The following CCNE1 variants were observed in gnomAD, a reference collection of about 807,000 sequenced individuals.
The protein encoded by CCNE1 is cyclin E1, also known as G1/S-specific cyclin-E1.
In CCNE1, 8 loss-of-function variants were observed where a neutral mutation model predicts 54.1. The ratio of observed to expected loss-of-function variants is 0.15; its 90% CI spans 0.09 to 0.27. CCNE1 has a LOEUF of 0.27. CCNE1 is among the 10% of genes least tolerant of loss of function. CCNE1 has a pLI of 1.00. For missense variants in CCNE1, 430 were observed against 514.9 expected, an observed-to-expected ratio of 0.84 and a Z score of 1.60; for synonymous variants, 179 against 185.2, an observed-to-expected ratio of 0.97 and a Z score of 0.27.
At chr19:29,813,301 T>C in intron 4 of CCNE1, 1 of 504,920 alleles carries the variant, frequency 2.0e-6, no homozygotes, top group East Asian at 3.4e-5. Flanking sequence ...AGAATGGACA[T>C]CACAGTATTC....
Position 29,822,115 on chromosome 19 carries a change from T to C in CCNE1, c.825T>C (p.Phe275=), listed in dbSNP as rs765901803. The change falls in exon 9 of 12, where the codon TTT becomes TTC. Residue 275 remains phenylalanine, a synonymous_variant. Transcript: ENST00000262643. ...VLLPQYPQQI[F]IQIAELLDLC... is the part of the protein sequence containing the mutation. The stretch of plus-strand genomic sequence containing the variant: ...TGCCGCAGTATCCCCAGCAAATCTT[T>C]ATACAGATTGCAGAGGTAAGTGGCT... 22 of 1,613,802 alleles carry C rather than the reference T, an allele frequency of 1.4e-5. No individual in the cohort carries two copies. The Admixed American group carries it at 3.7e-4, about 27-fold the overall frequency.
chr19:29,813,079 C>T (rs1363510575), intron 4 of CCNE1, 42 bp downstream of exon 4: 2 of 1,565,558 alleles, frequency 1.3e-6, no homozygotes, highest in Admixed American at 3.3e-5. Context: ...GGTCCTTCTC[C>T]CCCTGGGTCA....
In CCNE1 at chr19:29,813,044, C is replaced by G; in HGVS notation, c.180+7C>G. ...GGACCAGTGTGGGAGCCAGGTAGGT[C>G]CGCCCGGGGTTGGGCCTCTGTGGAG... On this transcript the variant is annotated splice_region_variant and intron_variant, in intron 4 of 11. Transcript: ENST00000262643. 3 of 1,613,976 alleles carry G rather than the reference C, an allele frequency of 1.9e-6. 1 individual carries two copies. The South Asian group carries it at 3.3e-5, about 18-fold the overall frequency.
In CCNE1 at chr19:29,823,809, C is replaced by G; in HGVS notation, c.*32C>G. The G allele has an allele frequency of 1.3e-6, 2 of 1,581,050 alleles. No homozygotes were observed. Among genetic ancestry groups the G allele is most frequent in the Non-Finnish European group, 1.7e-6 (2 of 1,161,830 alleles). ...CATCCTTCTCCACCAAAGACAGTTG[C>G]GCGCCTGCTCCACGTTCTCTTCTGT... On this transcript the variant is annotated 3_prime_UTR_variant, in exon 12 of 12. Transcript: ENST00000262643.
In CCNE1 at chr19:29,812,695, G is replaced by A; in HGVS notation, c.30G>A (p.Ala10=). ...GTGCCACCCGGGTCCACAGGGATGCGAAGGAGCGGGACACCATGAAGGAGG... is the reference window on the plus strand; with the variant it reads ...GTGCCACCCGGGTCCACAGGGATGCAAAGGAGCGGGACACCATGAAGGAGG... MPRERRERD[A]KERDTMKEDG... is the part of the protein sequence containing the mutation. The change falls in exon 3 of 12, where the codon GCG becomes GCA. Residue 10 remains alanine, a synonymous_variant. Coordinates refer to ENST00000262643, the MANE Select transcript of CCNE1 (RefSeq NM_001238.4). The A allele has an allele frequency of 6.3e-7, 1 of 1,587,902 alleles. No individual in the cohort carries two copies. Among genetic ancestry groups the A allele is most frequent in the Non-Finnish European group, 8.6e-7 (1 of 1,169,358 alleles).
At chr19:29,816,086 G>A (rs192904372) in intron 4 of CCNE1, among the ~76,000 whole-genome samples, 1 of 150,670 alleles carries the variant, frequency 6.6e-6, no homozygotes, top group African/African-American at 2.4e-5. Context: ...ACCCCAGGAG[G>A]CAGAGGTTGT....
chr19:29,812,963 T>A lies in CCNE1; in HGVS notation c.112-6T>A. On this transcript the variant is annotated splice_region_variant and splice_polypyrimidine_tract_variant and intron_variant, in intron 3 of 11. Coordinates refer to ENST00000262643, the MANE Select transcript of CCNE1 (RefSeq NM_001238.4). ...CCTTGGGGTCATGGGGGTGGCTTCA[T>A]GTTAGTTTTTGCAGGATCCAGATGA... 1.2e-6 allele frequency: 2 copies of A among 1,614,118 alleles called. No homozygotes were observed. Among genetic ancestry groups the A allele is most frequent in the South Asian group, 2.2e-5 (2 of 91,080 alleles).
chr19:29,822,935 C>G (rs1470785745), intron 11 of CCNE1, among the ~76,000 whole-genome samples: 1 of 136,404 alleles, frequency 7.3e-6, no homozygotes, highest in Non-Finnish European at 1.5e-5. Context: ...CAGAGCGAAA[C>G]TATGTCTCAA....
Position 29,815,873 on chromosome 19 carries a change from T to G in CCNE1, c.181-1264T>G, listed in dbSNP as rs79219456. On this transcript the variant is annotated intron_variant, in intron 4 of 11. Coordinates refer to ENST00000262643, the MANE Select transcript of CCNE1 (RefSeq NM_001238.4). ...TCTCTGCTTTAAAAAAAAAAAAAAA[T>G]GCCAGGTGCGGTGGCTCAGGCTTGT... Among the ~76,000 whole-genome samples, 4 of 146,746 alleles carry G rather than the reference T, an allele frequency of 2.7e-5. No individual in the cohort carries two copies. In the South Asian group the frequency reaches 6.5e-4, roughly 24 times the overall value.
intron 2 of CCNE1, 36 bp from the exon 3 acceptor site, chr19:29,812,653 G>A (rs745558138): frequency 1.7e-5 from 26 of 1,563,730 alleles, no homozygotes; most frequent in South Asian, 1.3e-4. Context: ...GGCGGCCGCG[G>A]GTGCTCACCC....
At position 29,812,792 on chromosome 19, in the gene CCNE1, A is replaced by ACAGGTTGG. The variant is rs1451546000; in HGVS notation, c.111+17_111+24dup. ...CGTGACCGTTGTGAGTACAAAAGAG[A>ACAGGTTGG]CAGGTTGGGGAGCATCCCCCCCATC... On this transcript the variant is annotated intron_variant, in intron 3 of 11. Transcript: ENST00000262643. 1.3e-6 allele frequency: 2 copies of ACAGGTTGG among 1,553,240 alleles called. No individual in the cohort carries two copies. The highest frequency in any genetic ancestry group is 3.2e-5 in the African/African-American group (2 of 63,034).
chr19:29,817,953 C>T (rs1053278723), intron 6 of CCNE1, among the ~76,000 whole-genome samples: 33 of 148,930 alleles, frequency 2.2e-4, no homozygotes, highest in African/African-American at 6.4e-4. Context: ...CTCTGCCTCA[C>T]GGGTTCAAGT....
chr19:29,817,201 A>G lies in CCNE1; in HGVS notation c.245A>G (p.Asp82Gly), dbSNP rs1292366571. The part of the protein sequence containing the change: ...CSLIPTPDKE[D>G]DDRVYPNSTC... ...CTGATCCCCACACCTGACAAAGAAG[A>G]TGATGACCGGGTTTACCCAAACTCA... The change falls in exon 5 of 12, where the codon GAT (aspartate) becomes GGT (glycine). Residue 82 changes from aspartate (D) to glycine (G), a missense_variant. Coordinates refer to ENST00000262643, the MANE Select transcript of CCNE1 (RefSeq NM_001238.4). The G allele has an allele frequency of 2.1e-5, 34 of 1,614,042 alleles. No homozygotes were observed. The highest frequency in any genetic ancestry group is 2.9e-5 in the Non-Finnish European group (34 of 1,180,046).
chr19:29,822,558 A>G lies in CCNE1; in HGVS notation c.1065A>G (p.Glu355=), dbSNP rs2145730304. 6.2e-7 allele frequency: 1 copy of G among 1,614,088 alleles called. No homozygotes were observed. The highest frequency in any genetic ancestry group is 8.5e-7 in the Non-Finnish European group (1 of 1,180,010). ...KLKHFRGVAD[E]DAHNIQTHRD... ...AGCACTTCAGGGGCGTCGCTGATGA[A>G]GATGCACACAACATACAGACCCACA... The change falls in exon 11 of 12, where the codon GAA becomes GAG. Residue 355 remains glutamate, a synonymous_variant. Coordinates refer to ENST00000262643, the MANE Select transcript of CCNE1 (RefSeq NM_001238.4).
chr19:29,823,574 A>T (rs866810199), intron 11 of CCNE1, 81 bp from the exon 12 acceptor site: 14 of 1,306,458 alleles, frequency 1.1e-5, no homozygotes, highest in South Asian at 3.8e-5. Flanking sequence ...TTTAAAAATT[A>T]AAAAAGAAAA....
In CCNE1 at chr19:29,817,434, A is replaced by G; in HGVS notation, c.355A>G (p.Ile119Val). Reference protein sequence around the residue: ...SWANREEVWKIMLNKEKTYLR... With the variant: ...SWANREEVWKVMLNKEKTYLR... ...GGCAAATAGAGAGGAAGTCTGGAAA[A>G]TCATGTTAAACAAGGAAAAGACATA... The change falls in exon 6 of 12, where the codon ATC becomes GTC. Residue 119 changes from isoleucine (I) to valine (V), a missense_variant. This residue lies in a region of CCNE1 where 303 missense variants were observed against 401.1 expected (regional missense o/e 0.76). Coordinates refer to ENST00000262643, the MANE Select transcript of CCNE1 (RefSeq NM_001238.4). The G allele has an allele frequency of 6.2e-7, 1 of 1,614,190 alleles. No homozygotes were observed. The highest frequency in any genetic ancestry group is 8.5e-7 in the Non-Finnish European group (1 of 1,180,032).
At chr19:29,812,281 C>A in intron 1 of CCNE1, 129 bp downstream of exon 1, 1 of 184,060 alleles carries the variant, frequency 5.4e-6, no homozygotes, top group Non-Finnish European at 1.1e-5. Flanking sequence ...CGGGAGGGTG[C>A]TGAGAGCGCG....
intron 3 of CCNE1, 42 bp from the exon 4 acceptor site, chr19:29,812,922 CTTGTT>C: frequency 6.2e-7 from 1 of 1,609,708 alleles, no homozygotes. Flanking sequence ...CTGTTTTTGT[CTTGTT>C]TGGTGTGTTT....
chr19:29,822,287 T>C lies in CCNE1; in HGVS notation c.888T>C (p.Tyr296=), dbSNP rs1016497250. 1 of 1,614,052 alleles carries C rather than the reference T, an allele frequency of 6.2e-7. No homozygotes were observed. Among genetic ancestry groups the C allele is most frequent in the African/African-American group, 1.3e-5 (1 of 74,940 alleles). The stretch of plus-strand genomic sequence containing the variant: ...ATGTTGACTGCCTTGAATTTCCTTA[T>C]GGTATACTTGCTGCTTCGGCCTTGT... ...VLDVDCLEFP[Y]GILAASALYH... The change falls in exon 10 of 12, where the codon TAT becomes TAC. Residue 296 remains tyrosine, a synonymous_variant. Transcript: ENST00000262643.
Sources: allele counts gnomAD v4.1 joint callset (sites outside exome capture counted in the v4.1 genomes callset), GRCh38; gene constraint gnomAD v4.1.1; regional missense constraint gnomAD v4.1.1; transcripts MANE v1.5; gene names NCBI Gene and HGNC (gene_info 2026-07-23, HGNC 2026-07-21).